The following POPDC2 variants were observed in gnomAD, a reference collection of about 807,000 sequenced individuals.
POPDC2 encodes the protein popeye domain-containing protein 2.
Under a neutral mutation model 30.5 loss-of-function variants are expected in POPDC2, and 24 were observed. That is an observed-to-expected ratio of 0.79 (90% CI 0.57 to 1.11). POPDC2 has a LOEUF of 1.11. POPDC2 is among the 50% of genes least tolerant of loss of function. The pLI, the probability that POPDC2 is intolerant of heterozygous loss-of-function variation, is 0.00. For synonymous variants in POPDC2, 185 were observed against 183.3 expected (o/e 1.01, Z -0.07); for missense variants, 409 against 447.0 (o/e 0.91, Z 0.77).
intron 3 of POPDC2, among the ~76,000 whole-genome samples, chr3:119,644,151 T>A (rs2052720245): frequency 6.6e-6 from 1 of 152,200 alleles, no homozygotes. Context: ...TTACCTCGAG[T>A]GTCCTCAATT....
chr3:119,654,195 A>T (rs1720145), intron 2 of POPDC2, among the ~76,000 whole-genome samples: 1 of 152,298 alleles, frequency 6.6e-6, no homozygotes, highest in Non-Finnish European at 1.5e-5. Flanking sequence ...TGGAAATGCG[A>T]CTAGAGAGCA....
chr3:119,647,304 A>G (rs1186987646), intron 3 of POPDC2, among the ~76,000 whole-genome samples: 1 of 151,874 alleles, frequency 6.6e-6, no homozygotes, highest in Non-Finnish European at 1.5e-5. Flanking sequence ...GTGGAGTTAC[A>G]GAGAAAAACA....
chr3:119,651,660 A>G (rs138002173), intron 2 of POPDC2, among the ~76,000 whole-genome samples: 2,932 of 149,804 alleles, frequency 0.02, 51 homozygotes, highest in Middle Eastern at 0.096. Context: ...CCCTGAGACG[A>G]AGTCTTGCTC....
chr3:119,653,547 G>A (rs1017357228), intron 2 of POPDC2, among the ~76,000 whole-genome samples: 14 of 151,082 alleles, frequency 9.3e-5, no homozygotes, highest in African/African-American at 2.7e-4. Context: ...GCGCAATCTC[G>A]GCTCACTGCA....
chr3:119,642,339 G>T lies in POPDC2; in HGVS notation c.*266C>A. The T allele has an allele frequency of 3.1e-6, 2 of 643,246 alleles. No individual in the cohort carries two copies. The highest frequency in any genetic ancestry group is 3.8e-5 in the South Asian group (2 of 52,390). 39.8% of individuals were successfully genotyped at this position (643,246 alleles called of 1,614,324 possible). ...TTCAGGTCCTTACTGTAGCGACAGT[G>T]TTGGCACCTTCTGTGTCCTCTCTCA... On this transcript the variant is annotated 3_prime_UTR_variant, in exon 4 of 4. Transcript: ENST00000493094.
At chr3:119,642,770 A>G (rs1560094993) in intron 3 of POPDC2, among the ~76,000 whole-genome samples, 1 of 152,226 alleles carries the variant, frequency 6.6e-6, no homozygotes, top group Non-Finnish European at 1.5e-5. Context: ...TATCTAGCCC[A>G]ATCCTCTCCT....
At chr3:119,658,567 T>A (rs1344293816) in intron 1 of POPDC2, among the ~76,000 whole-genome samples, 2 of 152,256 alleles carry the variant, frequency 1.3e-5, no homozygotes, top group Admixed American at 6.5e-5. Flanking sequence ...AATGAGCAAG[T>A]TCCCTAAATT....
intron 3 of POPDC2, among the ~76,000 whole-genome samples, chr3:119,646,610 A>G (rs2052749011): frequency 6.6e-6 from 1 of 152,168 alleles, no homozygotes; most frequent in Non-Finnish European, 1.5e-5. Context: ...ACTGCACTCC[A>G]TCCTGAGTGA....
chr3:119,644,432 G>A (rs1293894482), intron 3 of POPDC2, among the ~76,000 whole-genome samples: 2 of 152,198 alleles, frequency 1.3e-5, no homozygotes, highest in Non-Finnish European at 2.9e-5. Context: ...AAAAATTCTA[G>A]TGAAGGGAGG....
chr3:119,648,698 G>A (rs772244918), intron 2 of POPDC2, 30 bp from the exon 3 acceptor site: 3 of 1,565,172 alleles, frequency 1.9e-6, no homozygotes, highest in Non-Finnish European at 2.6e-6. Context: ...GACAATAAAA[G>A]TTTAAACTAG....
chr3:119,649,485 T>G (rs2052786001), intron 2 of POPDC2, among the ~76,000 whole-genome samples: 1 of 152,132 alleles, frequency 6.6e-6, no homozygotes, highest in South Asian at 2.1e-4. Flanking sequence ...AAAATAATGA[T>G]AAGTGGTAAA....
At chr3:119,656,586 T>C (rs909813850) in intron 1 of POPDC2, among the ~76,000 whole-genome samples, 2 of 152,156 alleles carry the variant, frequency 1.3e-5, no homozygotes, top group Admixed American at 6.5e-5. Context: ...TGGCATGTCA[T>C]TGATGATGCC....
At chr3:119,658,572 T>C (rs1156634918) in intron 1 of POPDC2, among the ~76,000 whole-genome samples, 1 of 152,264 alleles carries the variant, frequency 6.6e-6, no homozygotes, top group African/African-American at 2.4e-5. Flanking sequence ...GCAAGTTCCC[T>C]AAATTGTCTT....
chr3:119,655,467 G>T (rs1040634757), intron 1 of POPDC2, among the ~76,000 whole-genome samples: 4 of 152,188 alleles, frequency 2.6e-5, no homozygotes, highest in Non-Finnish European at 5.9e-5. Flanking sequence ...CTACCATGTT[G>T]TACAACATAG....
intron 3 of POPDC2, among the ~76,000 whole-genome samples, chr3:119,647,553 C>T (rs545760233): frequency 3.3e-4 from 50 of 152,192 alleles, no homozygotes; most frequent in Non-Finnish European, 6.6e-4. Flanking sequence ...GTATCTAGTC[C>T]TCTGTCTGTG....
At chr3:119,642,627 G>C (rs2052702695) in intron 3 of POPDC2, 66 bp from the exon 4 acceptor site, 1 of 1,139,304 alleles carries the variant, frequency 8.8e-7, no homozygotes, top group Admixed American at 2.0e-5. Flanking sequence ...AACTTCAAAG[G>C]GTTCTTTTCA....
At chr3:119,660,641 T>TCCCC, upstream of POPDC2, 2 of 384,944 alleles carry the variant, frequency 5.2e-6, no homozygotes, top group South Asian at 3.9e-5. Context: ...TCTCTCTCTC[T>TCCCC]CTCTCTCCCC....
intron 1 of POPDC2, among the ~76,000 whole-genome samples, chr3:119,658,901 T>C (rs1215905131): frequency 7.0e-6 from 1 of 142,960 alleles, no homozygotes; most frequent in Non-Finnish European, 1.5e-5. Flanking sequence ...TGGTTGGCAG[T>C]ATTATCTGGA....
chr3:119,659,322 T>C (rs1057456432), intron 1 of POPDC2, among the ~76,000 whole-genome samples: 10 of 152,138 alleles, frequency 6.6e-5, no homozygotes, highest in Admixed American at 5.2e-4. Flanking sequence ...AGAACCTCAA[T>C]AGAACAACTG....
Sources: allele counts gnomAD v4.1 joint callset (sites outside exome capture counted in the v4.1 genomes callset), GRCh38; gene constraint gnomAD v4.1.1; transcripts MANE v1.5; gene names NCBI Gene and HGNC (gene_info 2026-07-23, HGNC 2026-07-21).